The following BLACAT1 variants were observed in gnomAD, a reference collection of about 807,000 sequenced individuals.
BLACAT1 encodes the protein bladder cancer associated transcript 1.
chr1:205,438,006 G>A (rs2102461196), downstream of BLACAT1: 1 of 152,286 alleles, frequency 6.6e-6, no homozygotes, highest in Non-Finnish European at 1.5e-5. Flanking sequence ...CCTGGGAGCA[G>A]AGAAGGAAAT....
chr1:205,436,589 G>C (rs1276456593), downstream of BLACAT1: 1 of 152,050 alleles, frequency 6.6e-6, no homozygotes, highest in Non-Finnish European at 1.5e-5. Context: ...GGCTGTGTTT[G>C]TGTTGGGAGC....
intron 1 of BLACAT1, among the ~76,000 whole-genome samples, chr1:205,446,220 T>C (rs10793730): frequency 0.78 from 119,182 of 152,210 alleles, 49,826 homozygotes; most frequent in Non-Finnish European, 0.92. Flanking sequence ...GCCTGTCCCA[T>C]TGGCAGTAGC....
chr1:205,444,136 C>T (rs1020580386), intron 1 of BLACAT1, among the ~76,000 whole-genome samples: 2 of 152,214 alleles, frequency 1.3e-5, no homozygotes, highest in Non-Finnish European at 1.5e-5. Flanking sequence ...CATCCTCCCC[C>T]TCCTTTTCCA....
At chr1:205,455,628 C>A (rs765931014) in intron 1 of BLACAT1, among the ~76,000 whole-genome samples, 1 of 152,308 alleles carries the variant, frequency 6.6e-6, no homozygotes, top group East Asian at 1.9e-4. Flanking sequence ...CACACTCCCC[C>A]CAATCCCACC....
rs575120787 is a variant in BLACAT1, at chr1:205,452,348, T to TCCTTTG, written c.-37+3563_-37+3568dup. On this transcript the variant is annotated intron_variant, in intron 1 of 1. Transcript: ENST00000629624. The stretch of plus-strand genomic sequence containing the variant: ...GTTGAGGCTAAGCCAGGAGGAGAAC[T>TCCTTTG]CCTTTGCCAGAAAAGTGAACCATTA... 3.9e-4 allele frequency among the ~76,000 whole-genome samples: 60 copies of TCCTTTG among 152,180 alleles called. No individual in the cohort carries two copies. In the South Asian group the frequency reaches 8.1e-3, roughly 21 times the overall value.
chr1:205,440,100 A>G (rs1359019453), exon 2 of BLACAT1, among the ~76,000 whole-genome samples: 1 of 152,026 alleles, frequency 6.6e-6, no homozygotes, highest in Non-Finnish European at 1.5e-5. Flanking sequence ...GGGAGACAGG[A>G]GAATCAAGGG....
In BLACAT1 at chr1:205,441,995, G is replaced by A. The variant is rs542162199; in HGVS notation, c.-36-933C>T. 1.3e-5 allele frequency among the ~76,000 whole-genome samples: 2 copies of A among 152,294 alleles called. No individual in the cohort carries two copies. Among genetic ancestry groups the A allele is most frequent in the East Asian group, 3.9e-4 (2 of 5,172 alleles). On this transcript the variant is annotated intron_variant, in intron 1 of 1. Coordinates refer to ENST00000629624, the Ensembl canonical transcript of BLACAT1. The surrounding 1 kb of genome is among the most constrained non-coding windows in gnomAD (Gnocchi z 4.3). ...TGCAAGAGTATCCCTTTCTCCAAAG[G>A]CTCATTTAGGTTTCCCTAGCCTTAA... is the stretch of plus-strand genomic sequence containing the variant.
chr1:205,451,144 T>G (rs1048219836), intron 1 of BLACAT1, among the ~76,000 whole-genome samples: 1 of 152,200 alleles, frequency 6.6e-6, no homozygotes, highest in African/African-American at 2.4e-5. Context: ...TAGCTTCCCC[T>G]GGCTCTGTCC....
downstream of BLACAT1, chr1:205,435,186 A>G (rs1666186568): frequency 6.6e-6 from 1 of 152,218 alleles, no homozygotes; most frequent in Non-Finnish European, 1.5e-5. Flanking sequence ...AGGACGTGAA[A>G]TGTATCCGCC....
At chr1:205,438,180 G>T (rs561170719), downstream of BLACAT1, among the ~76,000 whole-genome samples, 8 of 152,340 alleles carry the variant, frequency 5.3e-5, no homozygotes, top group South Asian at 1.4e-3. Flanking sequence ...GCCATGGGAA[G>T]TCCTCGCTTT....
intron 1 of BLACAT1, among the ~76,000 whole-genome samples, chr1:205,451,693 T>C (rs1048299725): frequency 2.0e-5 from 3 of 150,450 alleles, no homozygotes; most frequent in Non-Finnish European, 4.4e-5. Context: ...TGATAGCAGA[T>C]GGAAATGCAG....
intron 1 of BLACAT1, among the ~76,000 whole-genome samples, chr1:205,445,186 C>T (rs1309721399): frequency 1.3e-5 from 2 of 152,074 alleles, no homozygotes; most frequent in Admixed American, 1.3e-4. Context: ...TCCCCACCTC[C>T]TCCCTCTCCC....
chr1:205,452,758 C>G (rs991168764), intron 1 of BLACAT1, among the ~76,000 whole-genome samples: 3 of 152,158 alleles, frequency 2.0e-5, no homozygotes, highest in South Asian at 4.1e-4. Context: ...TGGAAGGGAA[C>G]CAGGACATTA....
chr1:205,443,313 C>T (rs1666326584), intron 1 of BLACAT1, among the ~76,000 whole-genome samples: 1 of 152,170 alleles, frequency 6.6e-6, no homozygotes, highest in South Asian at 2.1e-4. Context: ...TTCCTTTTCA[C>T]CCCACTTCCT....
At chr1:205,454,299 T>C (rs1170549149) in intron 1 of BLACAT1, among the ~76,000 whole-genome samples, 1 of 152,178 alleles carries the variant, frequency 6.6e-6, no homozygotes, top group Non-Finnish European at 1.5e-5. Context: ...AGTCTTCATG[T>C]CACCTCTTCC....
chr1:205,443,531 T>C (rs1666332113), intron 1 of BLACAT1, among the ~76,000 whole-genome samples: 1 of 152,134 alleles, frequency 6.6e-6, no homozygotes, highest in African/African-American at 2.4e-5. Context: ...GGAGCTGGGC[T>C]AGGGGCTGTA....
rs1183339763 is a variant in BLACAT1 at position 205,441,858 on chromosome 1, G to A, written c.-36-796C>T. The stretch of plus-strand genomic sequence containing the variant: ...GGCTGGATCTGCCCCAGCTGGACAC[G>A]CTGTCCCCCACCTCTGGCTGACCCG... On this transcript the variant is annotated intron_variant, in intron 1 of 1. Transcript: ENST00000629624. This position sits in a 1 kb window ranked among gnomAD's most constrained non-coding sequence, Gnocchi z 4.3. Among the ~76,000 whole-genome samples, 5 of 152,184 alleles carry A rather than the reference G, an allele frequency of 3.3e-5. No individual in the cohort carries two copies. The highest frequency in any genetic ancestry group is 2.1e-4 in the South Asian group (1 of 4,822).
intron 1 of BLACAT1, among the ~76,000 whole-genome samples, chr1:205,454,006 C>T (rs1490376408): frequency 6.6e-6 from 1 of 152,212 alleles, no homozygotes; most frequent in Non-Finnish European, 1.5e-5. Context: ...TGATGGTGCC[C>T]CAGCCCAAAG....
At chr1:205,439,677 C>G (rs368681978), downstream of BLACAT1, among the ~76,000 whole-genome samples, 53 of 152,164 alleles carry the variant, frequency 3.5e-4, no homozygotes, top group African/African-American at 8.9e-4. Flanking sequence ...CCCTGGGGAG[C>G]TAGAGGGGGT....
Sources: gnomAD v4.1 joint callset for allele counts (sites outside exome capture counted in the v4.1 genomes callset) on GRCh38, gnomAD v4.1.1 for gene constraint, Gnocchi (gnomAD v3.1) non-coding constraint, MANE v1.5 for transcripts, NCBI Gene and HGNC (gene_info 2026-07-23, HGNC 2026-07-21) for gene names.